Variants in TADA3 observed in about 807,000 individuals in gnomAD.
TADA3 encodes transcriptional adaptor 3.
Under a neutral mutation model 43.2 loss-of-function variants are expected in TADA3, and 25 were observed. The observed-to-expected ratio is 0.58, with a 90% CI of 0.42 to 0.81. TADA3 has a LOEUF of 0.81. Ranked by LOEUF, TADA3 falls within the 30% of genes least tolerant of loss-of-function variation. The pLI is 0.00. For missense variants in TADA3, 441 were observed against 567.8 expected, an observed-to-expected ratio of 0.78 and a Z score of 2.27; for synonymous variants, 235 against 225.5, an observed-to-expected ratio of 1.04 and a Z score of -0.38.
chr3:9,786,179 TCCGC>T (rs1470944273), intron 6 of TADA3, among the ~76,000 whole-genome samples: 1 of 152,122 alleles, frequency 6.6e-6, no homozygotes. Flanking sequence ...GACCTTGTGA[TCCGC>T]CCGCCTCAGC....
intron 6 of TADA3, among the ~76,000 whole-genome samples, chr3:9,786,423 G>C (rs563426807): frequency 6.6e-6 from 1 of 152,158 alleles, no homozygotes; most frequent in Non-Finnish European, 1.5e-5. Flanking sequence ...TCTTGTGTTT[G>C]AGCCAGAATA....
intron 4 of TADA3, chr3:9,787,573 A>AT: frequency 3.0e-6 from 3 of 1,016,350 alleles, no homozygotes; most frequent in Non-Finnish European, 4.2e-6. Flanking sequence ...ATCTGAAATA[A>AT]TTCCCAAGAT....
chr3:9,781,533 G>A (rs1305237882), intron 8 of TADA3: 1 of 456,626 alleles, frequency 2.2e-6, no homozygotes, highest in East Asian at 6.9e-5. Context: ...GCCAGCAGAA[G>A]GCCTGCTTAC....
At chr3:9,781,335 A>ACT (rs751423496) in intron 8 of TADA3, among the ~76,000 whole-genome samples, 59 of 151,074 alleles carry the variant, frequency 3.9e-4, no homozygotes, top group African/African-American at 1.4e-3. Context: ...AGGCACACCC[A>ACT]CTCTCTCTCT....
intron 8 of TADA3, among the ~76,000 whole-genome samples, chr3:9,781,858 T>G (rs928558849): frequency 4.8e-5 from 5 of 103,510 alleles, no homozygotes; most frequent in African/African-American, 1.1e-4. Context: ...TTTTTTTTTT[T>G]GAGACAGGTC....
At chr3:9,792,913 T>C, upstream of TADA3, 1 of 1,392,176 alleles carries the variant, frequency 7.2e-7, no homozygotes, top group Non-Finnish European at 9.3e-7. Context: ...GTGACTCGAG[T>C]GCAAGAATTT....
At chr3:9,781,518 C>A (rs1393497342) in intron 8 of TADA3, 2 of 456,462 alleles carry the variant, frequency 4.4e-6, no homozygotes, top group Non-Finnish European at 4.4e-6. Flanking sequence ...TTCAGGTGTT[C>A]CGGTGCCAGC....
In TADA3 at chr3:9,791,555, T is replaced by C. The variant is rs540429173; in HGVS notation, c.-27-62A>G. The stretch of plus-strand genomic sequence containing the variant: ...GTCTGAGAAAAGCCCAAGGGCTTCT[T>C]ACCTCCAGGGACAGCCTCAAGGAAG... On this transcript the variant is annotated intron_variant, in intron 1 of 8. Coordinates refer to ENST00000301964, the MANE Select transcript of TADA3 (RefSeq NM_006354.5). 198 of 1,015,692 alleles carry C rather than the reference T, an allele frequency of 1.9e-4. 3 individuals carry two copies. In the South Asian group the frequency reaches 3.0e-3, roughly 15 times the overall value. The allele number at this position is 1,015,692 out of a possible 1,614,324, so 62.9% of individuals were successfully genotyped here.
At chr3:9,786,496 T>A (rs940441752) in intron 6 of TADA3, among the ~76,000 whole-genome samples, 2 of 152,146 alleles carry the variant, frequency 1.3e-5, no homozygotes, top group African/African-American at 4.8e-5. Flanking sequence ...CCAGCAGGTA[T>A]AAAGACAGGG....
intron 7 of TADA3, among the ~76,000 whole-genome samples, 156 bp downstream of exon 7, chr3:9,785,160 C>G (rs1022970056): frequency 4.6e-5 from 7 of 152,338 alleles, no homozygotes; most frequent in African/African-American, 1.4e-4. Context: ...TCTGTGCATG[C>G]AGACACGCTG....
At chr3:9,781,458 G>A (rs2078462241) in intron 8 of TADA3, 2 of 448,012 alleles carry the variant, frequency 4.5e-6, no homozygotes, top group Non-Finnish European at 4.5e-6. Flanking sequence ...TTAGTGAGGG[G>A]GAGATCTGGA....
chr3:9,787,523 G>A lies in TADA3; in HGVS notation c.565-183C>T, dbSNP rs2078644386. The A allele has an allele frequency of 1.8e-5, 18 of 1,015,330 alleles. No individual in the cohort carries two copies. In the South Asian group the frequency reaches 2.4e-4, roughly 14 times the overall value. 62.9% of individuals were successfully genotyped at this position (1,015,330 alleles called of 1,614,324 possible). On this transcript the variant is annotated intron_variant, in intron 4 of 8. Transcript: ENST00000301964. ...CTGTACTTCACACTCTAGTAAGGGA[G>A]ACAGGTCCAAAAAGAACTAAGACAC...
At chr3:9,780,707 T>A (rs552242150) in intron 8 of TADA3, among the ~76,000 whole-genome samples, 158 bp from the exon 9 acceptor site, 4 of 152,340 alleles carry the variant, frequency 2.6e-5, no homozygotes, top group South Asian at 4.1e-4. Context: ...TACACTTACA[T>A]GGCACTATCT....
chr3:9,787,123 G>A lies in TADA3; in HGVS notation c.707-14C>T. The A allele has an allele frequency of 3.7e-6, 6 of 1,614,224 alleles. No homozygotes were observed. Among genetic ancestry groups the A allele is most frequent in the Non-Finnish European group, 5.1e-6 (6 of 1,180,044 alleles). On this transcript the variant is annotated splice_polypyrimidine_tract_variant and intron_variant, in intron 5 of 8. Transcript: ENST00000301964. ...GGGCATCCACATCTAAGCGGGCACA[G>A]GAAAGGAGGGGAGGTGGGCTGAAGT...
chr3:9,784,132 G>A lies in TADA3; in HGVS notation c.1002C>T (p.Pro334=), dbSNP rs756018400. 1.3e-5 allele frequency: 21 copies of A among 1,614,052 alleles called. No homozygotes were observed. Among genetic ancestry groups the A allele is most frequent in the South Asian group, 8.8e-5 (8 of 91,086 alleles). Residue 334 remains proline, a synonymous_variant, in exon 8 of 9, where the codon CCC becomes CCT. Transcript: ENST00000301964. ...AQGLLESEDR[P]AEDSEDEVLA... ...GGACCTCATCCTCGGAGTCCTCTGC[G>A]GGGCGGTCCTCAGACTCCAAAAGGC...
At chr3:9,780,670 G>A (rs113364819) in intron 8 of TADA3, 121 bp from the exon 9 acceptor site, 1 of 1,027,640 alleles carries the variant, frequency 9.7e-7, no homozygotes, top group African/African-American at 1.6e-5. Flanking sequence ...GTGTCATACA[G>A]TCGTGACCAA....
intron 2 of TADA3, 32 bp from the exon 3 acceptor site, chr3:9,789,995 A>G: frequency 6.4e-7 from 1 of 1,554,114 alleles, no homozygotes. Flanking sequence ...ACTGAGGGGG[A>G]GAAGGGAAAA....
rs149907742 is a variant in TADA3 at position 9,791,422 on chromosome 3, C to T, written c.45G>A (p.Lys15=). ...GACAGACCTTCAGGTGATCCACAGA[C>T]TTGAAGTCGTGGAACTGCAAGGGGC... ...KDCPLQFHDF[K]SVDHLKVCPR... The change falls in exon 2 of 9, where the codon AAG becomes AAA. Residue 15 remains lysine, a synonymous_variant. Transcript: ENST00000301964. The T allele has an allele frequency of 1.9e-6, 3 of 1,614,010 alleles. No homozygotes were observed. The highest frequency in any genetic ancestry group is 2.7e-5 in the African/African-American group (2 of 75,066).
chr3:9,780,812 C>T (rs1027251963), intron 8 of TADA3, among the ~76,000 whole-genome samples: 1 of 152,160 alleles, frequency 6.6e-6, no homozygotes, highest in East Asian at 1.9e-4. Context: ...ACCTTTCTCT[C>T]AATTTTGTTG....
Sources: gnomAD v4.1 joint callset for allele counts (sites outside exome capture counted in the v4.1 genomes callset) on GRCh38, gnomAD v4.1.1 for gene constraint, MANE v1.5 for transcripts, NCBI Gene and HGNC (gene_info 2026-07-23, HGNC 2026-07-21) for gene names.